The following SLC38A1 variants were observed in gnomAD, a reference collection of about 807,000 sequenced individuals.
SLC38A1 encodes solute carrier family 38 member 1.
SLC38A1 carries 18 observed loss-of-function variants against 60.3 expected under a neutral mutation model. The ratio of observed to expected loss-of-function variants is 0.30; its 90% confidence interval spans 0.21 to 0.44. The LOEUF (loss-of-function observed/expected upper bound fraction) is 0.44. SLC38A1 is among the 20% of genes least tolerant of loss of function. The pLI is 1.00. For synonymous variants in SLC38A1, 196 were observed against 212.1 expected (o/e 0.92, Z 0.66); for missense variants, 448 against 587.2 (o/e 0.76, Z 2.45).
rs577791490 is a variant in SLC38A1, at chr12:46,252,262, C to T, written c.-208-8948G>A. ...GACAGAAAATCAAACACTGCATGTTCTCACTCATAGGTGGCATTGAACAAT... is the reference window on the plus strand; with the variant it reads ...GACAGAAAATCAAACACTGCATGTTTTCACTCATAGGTGGCATTGAACAAT... On this transcript the variant is annotated intron_variant, in intron 1 of 16. Coordinates refer to ENST00000398637, the MANE Select transcript of SLC38A1 (RefSeq NM_030674.4). 3.3e-4 allele frequency among the ~76,000 whole-genome samples: 51 copies of T among 152,240 alleles called. No individual in the cohort carries two copies. In the South Asian group the frequency reaches 0.01, roughly 30 times the overall value.
chr12:46,224,056 C>T (rs1371733832), intron 5 of SLC38A1, among the ~76,000 whole-genome samples: 1 of 152,120 alleles, frequency 6.6e-6, no homozygotes, highest in Non-Finnish European at 1.5e-5. Flanking sequence ...TTTCTAATTC[C>T]TACTTCTGCT....
chr12:46,227,945 T>G (rs548742100), intron 5 of SLC38A1, among the ~76,000 whole-genome samples: 44 of 152,016 alleles, frequency 2.9e-4, no homozygotes, highest in African/African-American at 9.9e-4. Flanking sequence ...CCTCAGAGAG[T>G]CAGAATTTCA....
At chr12:46,249,445 C>T (rs1278867314) in intron 1 of SLC38A1, among the ~76,000 whole-genome samples, 1 of 151,940 alleles carries the variant, frequency 6.6e-6, no homozygotes, top group Non-Finnish European at 1.5e-5. Context: ...CAAAAGCAAA[C>T]AAATTCAAAA....
Position 46,188,945 on chromosome 12 carries a change from G to A in SLC38A1, c.*25C>T, listed in dbSNP as rs1299182999. 5.0e-6 allele frequency: 8 copies of A among 1,591,824 alleles called. No homozygotes were observed. The highest frequency in any genetic ancestry group is 4.0e-5 in the African/African-American group (3 of 74,408). ...GGGGACTTGACTGAGCAGACAACAG[G>A]GATGTTTCTTTTTCTCGGCGGGTTT... On this transcript the variant is annotated 3_prime_UTR_variant, in exon 17 of 17. Coordinates refer to ENST00000398637, the MANE Select transcript of SLC38A1 (RefSeq NM_030674.4).
chr12:46,235,893 T>C (rs1941242229), intron 3 of SLC38A1, among the ~76,000 whole-genome samples: 1 of 152,200 alleles, frequency 6.6e-6, no homozygotes. Flanking sequence ...AATACAAGCA[T>C]ATTTGTCTGG....
At chr12:46,216,274 C>T (rs1940406990) in intron 5 of SLC38A1, among the ~76,000 whole-genome samples, 1 of 152,142 alleles carries the variant, frequency 6.6e-6, no homozygotes, top group Admixed American at 6.5e-5. Flanking sequence ...GAGACTAGAA[C>T]ACTAGCTGAA....
chr12:46,224,512 C>T (rs1940790381), intron 5 of SLC38A1, among the ~76,000 whole-genome samples: 1 of 152,084 alleles, frequency 6.6e-6, no homozygotes, highest in South Asian at 2.1e-4. Flanking sequence ...GGCTCCACAC[C>T]CAGCCTCAGG....
intron 3 of SLC38A1, among the ~76,000 whole-genome samples, chr12:46,232,537 A>T (rs1326943836): frequency 1.3e-5 from 2 of 152,226 alleles, no homozygotes; most frequent in Non-Finnish European, 2.9e-5. Context: ...ACTAAGGTTT[A>T]CAGATCTGGC....
At position 46,188,890 on chromosome 12, in the gene SLC38A1, A is replaced by C; in HGVS notation, c.*80T>G. 1 of 1,202,674 alleles carries C rather than the reference A, an allele frequency of 8.3e-7. No homozygotes were observed. Among genetic ancestry groups the C allele is most frequent in the Admixed American group, 1.9e-5 (1 of 53,788 alleles). The allele number at this position is 1,202,674 out of a possible 1,614,324, so 74.5% of individuals were successfully genotyped here. A position where few individuals can be genotyped will look rare whatever the true frequency, so the allele number is the denominator to read the frequency against. ...TTTCTGTTTGCTTCTGTAAACTTGCAAAAGAAGTGGTGAGAGATTGCTGAT... is the reference window on the plus strand; with the variant it reads ...TTTCTGTTTGCTTCTGTAAACTTGCCAAAGAAGTGGTGAGAGATTGCTGAT... On this transcript the variant is annotated 3_prime_UTR_variant, in exon 17 of 17. Transcript: ENST00000398637.
chr12:46,240,054 G>T (rs1171467521), intron 2 of SLC38A1, among the ~76,000 whole-genome samples, 161 bp from the exon 3 acceptor site: 1 of 151,990 alleles, frequency 6.6e-6, no homozygotes, highest in African/African-American at 2.4e-5. Flanking sequence ...TTATGGAGGT[G>T]TATCTAAATT....
chr12:46,199,684 C>T lies in SLC38A1; in HGVS notation c.1004-941G>A, dbSNP rs559514403. On this transcript the variant is annotated intron_variant, in intron 13 of 16. Transcript: ENST00000398637. ...TTATGTACTACTTTGAACTTTTTCT[C>T]AATCCAGAACTTCAGAAAGTGTTAT... Among the ~76,000 whole-genome samples the T allele has an allele frequency of 1.1e-3, 161 of 151,978 alleles. 1 individual carries two copies. Among genetic ancestry groups the T allele is most frequent in the Non-Finnish European group, 1.9e-3 (127 of 68,006 alleles).
intron 1 of SLC38A1, among the ~76,000 whole-genome samples, chr12:46,247,155 A>G (rs1461702074): frequency 6.6e-6 from 1 of 152,254 alleles, no homozygotes; most frequent in Non-Finnish European, 1.5e-5. Flanking sequence ...CCTCGCCAGC[A>G]ATGGAACAAA....
At chr12:46,207,413 C>A in intron 7 of SLC38A1, 116 bp downstream of exon 7, 1 of 1,133,718 alleles carries the variant, frequency 8.8e-7, no homozygotes, top group Non-Finnish European at 1.3e-6. Context: ...CTTTACTTTC[C>A]CTGTGCCATT....
In SLC38A1 at chr12:46,251,362, C is replaced by T. The variant is rs1179981993; in HGVS notation, c.-208-8048G>A. On this transcript the variant is annotated intron_variant, in intron 1 of 16. Transcript: ENST00000398637. ...AATTAATTCAAGATGGATTAAAGACCTAAGTGTTAGACCTGAAACCATAAA... is the reference window on the plus strand; with the variant it reads ...AATTAATTCAAGATGGATTAAAGACTTAAGTGTTAGACCTGAAACCATAAA... Among the ~76,000 whole-genome samples the T allele has an allele frequency of 1.3e-4, 20 of 152,106 alleles. 1 individual carries two copies. The highest frequency in any genetic ancestry group is 2.4e-5 in the African/African-American group (1 of 41,408).
rs563821082 is a variant in SLC38A1 at position 46,223,248 on chromosome 12, T to G, written c.314+5905A>C. ...AAGTTATTAAGCCTCAGTTACTTTA[T>G]CTGTAAAATGGGGCTAATACCTACC... On this transcript the variant is annotated intron_variant, in intron 5 of 16. Coordinates refer to ENST00000398637, the MANE Select transcript of SLC38A1 (RefSeq NM_030674.4). Among the ~76,000 whole-genome samples, 4 of 152,276 alleles carry G rather than the reference T, an allele frequency of 2.6e-5. No individual in the cohort carries two copies. In the South Asian group the frequency reaches 8.3e-4, roughly 32 times the overall value.
chr12:46,245,821 C>A (rs545332512), intron 1 of SLC38A1, among the ~76,000 whole-genome samples: 251 of 152,224 alleles, frequency 1.6e-3, no homozygotes, highest in Non-Finnish European at 1.6e-3. Context: ...AATTCTACCA[C>A]CCCCAAATGG....
At chr12:46,204,462 G>T (rs962690674) in intron 10 of SLC38A1, 45 bp from the exon 11 acceptor site, 35 of 1,589,568 alleles carry the variant, frequency 2.2e-5, no homozygotes, top group Non-Finnish European at 3.0e-5. Flanking sequence ...CTTTAGTAAA[G>T]CCAATGAATA....
In SLC38A1 at chr12:46,198,013, T is replaced by A; in HGVS notation, c.1170A>T (p.Leu390Phe). 1 of 1,613,986 alleles carries A rather than the reference T, an allele frequency of 6.2e-7. No homozygotes were observed. Among genetic ancestry groups the A allele is most frequent in the African/African-American group, 1.3e-5 (1 of 75,028 alleles). The change falls in exon 15 of 17, where the codon TTA becomes TTT. Residue 390 changes from leucine to phenylalanine, a missense_variant. By Grantham distance (22) the Leu-to-Phe change is conservative. Transcript: ENST00000398637. ...FELAKKTKFN[L>F]CRHTVVTCIL... ...TGCAGGTAACCACGGTATGACGACA[T>A]AAATTAAACTTTGTTTTCTTAGCCA...
At chr12:46,217,770 A>C (rs891156897) in intron 5 of SLC38A1, among the ~76,000 whole-genome samples, 1 of 152,210 alleles carries the variant, frequency 6.6e-6, no homozygotes, top group Non-Finnish European at 1.5e-5. Flanking sequence ...GCATGTGATC[A>C]TGTATAATGC....
Sources: allele counts gnomAD v4.1 joint callset (sites outside exome capture counted in the v4.1 genomes callset), GRCh38; gene constraint gnomAD v4.1.1; transcripts MANE v1.5; gene names NCBI Gene and HGNC (gene_info 2026-07-23, HGNC 2026-07-21).